FMNL1: variants seen among roughly 807,000 people sequenced by gnomAD.
FMNL1 encodes the protein formin-like protein 1.
FMNL1 carries 43 observed loss-of-function variants against 121.3 expected under a neutral mutation model. The observed-to-expected ratio is 0.35, with a 90% CI of 0.28 to 0.46. FMNL1 has a LOEUF of 0.46. Among genes scored for constraint, FMNL1 ranks in the 20% least tolerant of loss-of-function variants. The pLI, the probability that FMNL1 is intolerant of heterozygous loss-of-function variation, is 1.00. For missense variants in FMNL1, 1,191 were observed against 1,482.4 expected, an observed-to-expected ratio of 0.80 and a Z score of 3.23; for synonymous variants, 613 against 613.5, an observed-to-expected ratio of 1.00 and a Z score of 0.01.
chr17:45,227,956 C>G (rs543971265), intron 1 of FMNL1, among the ~76,000 whole-genome samples: 2 of 152,154 alleles, frequency 1.3e-5, no homozygotes, highest in African/African-American at 4.8e-5. Flanking sequence ...CTCCCTGCCC[C>G]CCTCAGGAGG....
intron 17 of FMNL1, among the ~76,000 whole-genome samples, 187 bp from the exon 18 acceptor site, chr17:45,243,604 G>GCCCAGTTCCCAGTTTCTCTGGATT: frequency 6.6e-6 from 1 of 152,258 alleles, no homozygotes; most frequent in East Asian, 1.9e-4. Flanking sequence ...GACCCTGGCT[G>GCCCAGTTCCCAGTTTCTCTGGATT]CCCAGTTCCC....
At position 45,246,889 on chromosome 17, in the gene FMNL1, C is replaced by G. The variant is rs1488142543; in HGVS notation, c.*31C>G. ...CAGATCTGCGGAACCAGCCCTACAT[C>G]CGCGCAGACACAGGCCGCCGCAGTG... On this transcript the variant is annotated 3_prime_UTR_variant, in exon 27 of 27. Coordinates refer to ENST00000331495, the MANE Select transcript of FMNL1 (RefSeq NM_005892.4). 1 of 753,690 alleles carries G rather than the reference C, an allele frequency of 1.3e-6. No homozygotes were observed. Among genetic ancestry groups the G allele is most frequent in the African/African-American group, 1.7e-5 (1 of 59,008 alleles). The allele number at this position is 753,690 out of a possible 1,614,324, so 46.7% of individuals were successfully genotyped here.
In FMNL1 at chr17:45,222,905, A is replaced by T. The variant is rs191419185; in HGVS notation, c.129+652A>T. ...TCGCCCAGGCTAGGGGTGGAGCAAA[A>T]TCTGGAACCACCCCCCTCTGTGCCT... On this transcript the variant is annotated intron_variant, in intron 1 of 26. Coordinates refer to ENST00000331495, the MANE Select transcript of FMNL1 (RefSeq NM_005892.4). Among the ~76,000 whole-genome samples, 1,291 of 152,030 alleles carry T rather than the reference A, an allele frequency of 8.5e-3. 21 individuals carry two copies. The highest frequency in any genetic ancestry group is 0.029 in the African/African-American group (1,211 of 41,460).
Position 45,230,697 on chromosome 17 carries a change from A to T in FMNL1, c.213+10A>T. 2.5e-6 allele frequency: 4 copies of T among 1,613,142 alleles called. No homozygotes were observed. Among genetic ancestry groups the T allele is most frequent in the Non-Finnish European group, 3.4e-6 (4 of 1,179,430 alleles). On this transcript the variant is annotated intron_variant, in intron 2 of 26. Transcript: ENST00000331495. ...GCTCATCTGTGATCAGGTAGGTGCC[A>T]GCACTGCCCAGCCACCCCTTCCCTC...
At chr17:45,234,318 G>T in intron 6 of FMNL1, 118 bp downstream of exon 6, 2 of 1,544,378 alleles carry the variant, frequency 1.3e-6, no homozygotes, top group East Asian at 2.3e-5. Flanking sequence ...CATGCATTAG[G>T]GGTCCGAGTA....
Position 45,242,110 on chromosome 17 carries a change from G to C in FMNL1, c.1849G>C (p.Asp617His). Residue 617 changes from aspartate (D) to histidine (H), a missense_variant, in exon 15 of 27, where the codon GAT (aspartate) becomes CAT (histidine). Around this residue, in one of 4 missense-constraint regions of FMNL1, gnomAD observed 519 missense variants for 492.8 expected, o/e 1.05. Transcript: ENST00000331495. ...PPPPPPGGPP[D>H]ALGRRDSELG... The stretch of plus-strand genomic sequence containing the variant: ...GCCGCCGCCTCCCGGAGGTCCTCCT[G>C]ATGCCCTAGGAAGACGCGACTCAGA... 1 of 1,536,122 alleles carries C rather than the reference G, an allele frequency of 6.5e-7. No homozygotes were observed. Among genetic ancestry groups the C allele is most frequent in the Non-Finnish European group, 8.8e-7 (1 of 1,142,730 alleles).
At position 45,231,677 on chromosome 17, in the gene FMNL1, C is replaced by A. The variant is rs73319101; in HGVS notation, c.214-690C>A. 6.6e-6 allele frequency among the ~76,000 whole-genome samples: 1 copy of A among 151,948 alleles called. No individual in the cohort carries two copies. Among genetic ancestry groups the A allele is most frequent in the Non-Finnish European group, 1.5e-5 (1 of 67,966 alleles). On this transcript the variant is annotated intron_variant, in intron 2 of 26. Transcript: ENST00000331495. This position sits in a 1 kb window ranked among gnomAD's most constrained non-coding sequence, Gnocchi z 4.7. ...CTCTTTGTGTGAGTGGCCGCTGGAG[C>A]CTGCAGTGGGGTGGGGGGATTAGGA...
chr17:45,246,514 C>G lies in FMNL1; in HGVS notation c.3221C>G (p.Thr1074Arg), dbSNP rs775396711. Residue 1074 changes from threonine (T) to arginine (R), a missense_variant, in exon 26 of 27, where the codon ACG becomes AGG. Transcript: ENST00000331495. ...AIEDIITVIKTVPFTARTGKR... is the reference protein window; with the variant it reads ...AIEDIITVIKRVPFTARTGKR... ...CCCCACCCCCACTCAGTGATCAAGA[C>G]GGTGCCCTTCACGGCCCGCACCGGC... 6.2e-7 allele frequency: 1 copy of G among 1,614,198 alleles called. No individual in the cohort carries two copies. The highest frequency in any genetic ancestry group is 1.1e-5 in the South Asian group (1 of 91,082).
chr17:45,243,417 C>G (rs2043754598), intron 17 of FMNL1, 97 bp downstream of exon 17: 5 of 1,400,926 alleles, frequency 3.6e-6, no homozygotes, highest in Non-Finnish European at 4.9e-6. Context: ...ATGGTGAGCT[C>G]TTTCATCAGG....
At chr17:45,230,554 C>G in intron 1 of FMNL1, 50 bp from the exon 2 acceptor site, 13 of 1,591,632 alleles carry the variant, frequency 8.2e-6, no homozygotes, top group South Asian at 1.1e-5. Context: ...TCTCCCCTCT[C>G]CCCTTGTTGG....
intron 16 of FMNL1, 53 bp downstream of exon 16, chr17:45,242,518 G>T (rs758246584): frequency 4.0e-5 from 63 of 1,589,260 alleles, no homozygotes; most frequent in Non-Finnish European, 5.2e-5. Flanking sequence ...GAGGGGAGTT[G>T]CCTGGATCAG....
At chr17:45,236,544 C>T in intron 7 of FMNL1, 1 of 268,078 alleles carries the variant, frequency 3.7e-6, no homozygotes, top group Non-Finnish European at 7.1e-6. Flanking sequence ...CAGGGGAGAA[C>T]AGCCTCGGGT....
chr17:45,245,581 G>T (rs370409008), intron 22 of FMNL1, 51 bp from the exon 23 acceptor site: 3 of 1,607,910 alleles, frequency 1.9e-6, no homozygotes, highest in Non-Finnish European at 2.6e-6. Context: ...GTCCTGAGGG[G>T]TACAGGCTGT....
chr17:45,227,666 G>A (rs970280531), intron 1 of FMNL1, among the ~76,000 whole-genome samples: 3 of 152,066 alleles, frequency 2.0e-5, no homozygotes, highest in Non-Finnish European at 4.4e-5. Context: ...CCTACCCTGG[G>A]GTCTTCCATG....
rs949195399 is a variant in FMNL1 at position 45,240,895 on chromosome 17, CCCTCCCAGCTCAGTCT to C, written c.1231-228_1231-213del. 25 of 699,716 alleles carry C rather than the reference CCCTCCCAGCTCAGTCT, an allele frequency of 3.6e-5. No homozygotes were observed. In the African/African-American group the frequency reaches 4.5e-4, roughly 13 times the overall value. 43.3% of individuals were successfully genotyped at this position (699,716 alleles called of 1,614,324 possible). On this transcript the variant is annotated intron_variant, in intron 12 of 26. Transcript: ENST00000331495. ...GTGAACTGAAATGGGTGCCTGGGGC[CCCTCCCAGCTCAGTCT>C]CCTCCTCTCCCTCCACCTCCCGCAT...
At chr17:45,246,384 C>A (rs2043835337) in intron 25 of FMNL1, 54 bp downstream of exon 25, 15 of 1,613,906 alleles carry the variant, frequency 9.3e-6, no homozygotes, top group Non-Finnish European at 1.3e-5. Flanking sequence ...TCTATGCTTT[C>A]TTCTGACCCA....
Position 45,240,562 on chromosome 17 carries a change from G to T in FMNL1, c.1167G>T (p.Glu389Asp). Residue 389 changes from glutamate (E) to aspartate (D), a missense_variant, in exon 12 of 27, where the codon GAG becomes GAT. Glu to Asp is a conservative substitution (Grantham distance 45). Coordinates refer to ENST00000331495, the MANE Select transcript of FMNL1 (RefSeq NM_005892.4). ...TTTTTGATGTGGGGGCGCTGCTGGAGGACACAGAGACCAAGAACGCTGTGC... is the reference window on the plus strand; with the variant it reads ...TTTTTGATGTGGGGGCGCTGCTGGATGACACAGAGACCAAGAACGCTGTGC... ...DNIFDVGALL[E>D]DTETKNAVLE... 1 of 1,614,022 alleles carries T rather than the reference G, an allele frequency of 6.2e-7. No homozygotes were observed. The highest frequency in any genetic ancestry group is 1.3e-5 in the African/African-American group (1 of 74,992).
chr17:45,228,833 C>T (rs1000367349), intron 1 of FMNL1, among the ~76,000 whole-genome samples: 4 of 152,134 alleles, frequency 2.6e-5, no homozygotes, highest in Non-Finnish European at 4.4e-5. Flanking sequence ...CCCTGGCCAC[C>T]GTCTTTTGTG....
chr17:45,241,778 C>G lies in FMNL1; in HGVS notation c.1586-69C>G, dbSNP rs866788295. On this transcript the variant is annotated intron_variant, in intron 14 of 26. Transcript: ENST00000331495. This position sits in a 1 kb window ranked among gnomAD's most constrained non-coding sequence, Gnocchi z 7.0. ...GGAGCGCATGCGTAGAGCGGAGAGG[C>G]GGAGAGGGGCCCACCCAAGTCAAGG... 7.1e-7 allele frequency: 1 copy of G among 1,399,292 alleles called. No individual in the cohort carries two copies. The highest frequency in any genetic ancestry group is 9.3e-7 in the Non-Finnish European group (1 of 1,081,074). The allele number at this position is 1,399,292 out of a possible 1,614,324, so 86.7% of individuals were successfully genotyped here.
Sources: allele counts gnomAD v4.1 joint callset (sites outside exome capture counted in the v4.1 genomes callset), GRCh38; gene constraint gnomAD v4.1.1; regional missense constraint gnomAD v4.1.1; non-coding constraint Gnocchi (gnomAD v3.1); transcripts MANE v1.5; gene names NCBI Gene and HGNC (gene_info 2026-07-23, HGNC 2026-07-21).